ZNF804A: variants seen among roughly 807,000 people sequenced by gnomAD.
The protein encoded by ZNF804A is zinc finger protein 804A.
A neutral mutation model predicts 16.5 loss-of-function variants in ZNF804A; 2 were observed. The observed-to-expected ratio is 0.12, with a 90% CI of 0.05 to 0.38. ZNF804A has a LOEUF of 0.38. Among genes scored for constraint, ZNF804A ranks in the 10% least tolerant of loss-of-function variants. The probability of loss-of-function intolerance (pLI) is 0.99; values close to 1 mark genes in which losing one functional copy is unlikely to be tolerated. For missense variants in ZNF804A, 1,473 were observed against 1,390.7 expected, an observed-to-expected ratio of 1.06 and a Z score of -0.94; for synonymous variants, 534 against 489.6, an observed-to-expected ratio of 1.09 and a Z score of -1.20.
intron 1 of ZNF804A, among the ~76,000 whole-genome samples, chr2:184,842,533 G>T (rs1237751965): frequency 1.3e-5 from 2 of 151,294 alleles, no homozygotes; most frequent in African/African-American, 4.9e-5. Context: ...TAAAAAAAAA[G>T]GAAATTTATG....
At chr2:184,912,505 T>C (rs909686640) in intron 2 of ZNF804A, among the ~76,000 whole-genome samples, 11 of 152,064 alleles carry the variant, frequency 7.2e-5, no homozygotes, top group African/African-American at 2.4e-4. Context: ...AATTATATGT[T>C]TAATTTTCAA....
intron 1 of ZNF804A, among the ~76,000 whole-genome samples, chr2:184,865,463 T>A (rs541175394): frequency 8.5e-5 from 13 of 152,126 alleles, no homozygotes; most frequent in Admixed American, 4.6e-4. Flanking sequence ...GGTTCAGAGA[T>A]CACATGTGGC....
At chr2:184,656,392 G>A (rs1692074908) in intron 1 of ZNF804A, among the ~76,000 whole-genome samples, 1 of 152,020 alleles carries the variant, frequency 6.6e-6, no homozygotes, top group South Asian at 2.1e-4. Context: ...TTACAGTTAA[G>A]GTGGGAAATA....
intron 1 of ZNF804A, among the ~76,000 whole-genome samples, chr2:184,847,732 T>C (rs1337223469): frequency 6.6e-6 from 1 of 152,096 alleles, no homozygotes; most frequent in Non-Finnish European, 1.5e-5. Context: ...ATTTTCAATG[T>C]CAGTCTCAAG....
At chr2:184,865,789 G>A (rs914064462) in intron 1 of ZNF804A, among the ~76,000 whole-genome samples, 1 of 151,848 alleles carries the variant, frequency 6.6e-6, no homozygotes, top group Non-Finnish European at 1.5e-5. Flanking sequence ...GCAGAAAAGG[G>A]TTTTCTTTTC....
At chr2:184,908,582 A>C (rs1685312362) in intron 2 of ZNF804A, among the ~76,000 whole-genome samples, 1 of 152,208 alleles carries the variant, frequency 6.6e-6, no homozygotes, top group South Asian at 2.1e-4. Context: ...GGTTAGAATT[A>C]TAAGATAGCT....
At chr2:184,883,769 C>T (rs1003862480) in intron 2 of ZNF804A, among the ~76,000 whole-genome samples, 11 of 151,766 alleles carry the variant, frequency 7.2e-5, no homozygotes, top group African/African-American at 2.4e-4. Context: ...CATTAAAAAC[C>T]CTCAACAAAC....
intron 1 of ZNF804A, among the ~76,000 whole-genome samples, chr2:184,808,546 A>G (rs1342544854): frequency 6.6e-6 from 1 of 151,554 alleles, no homozygotes; most frequent in East Asian, 1.9e-4. Context: ...GAAATTTTGG[A>G]TTATATCTTA....
intron 1 of ZNF804A, among the ~76,000 whole-genome samples, chr2:184,824,214 T>C (rs1365954188): frequency 1.3e-5 from 2 of 152,114 alleles, no homozygotes; most frequent in Non-Finnish European, 2.9e-5. Context: ...TAAATTAAAA[T>C]CTTATCAAAT....
chr2:184,834,827 C>T (rs1695319145), intron 1 of ZNF804A, among the ~76,000 whole-genome samples: 1 of 152,082 alleles, frequency 6.6e-6, no homozygotes, highest in Non-Finnish European at 1.5e-5. Context: ...GTCTGGATGT[C>T]TCAGCTTTGA....
chr2:184,607,936 C>CTCT (rs1553520325), intron 1 of ZNF804A, among the ~76,000 whole-genome samples: 1 of 65,654 alleles, frequency 1.5e-5, no homozygotes, highest in Non-Finnish European at 2.6e-5. Context: ...TGATGCATCT[C>CTCT]TTTTTTTTTT....
At chr2:184,853,694 A>G (rs1282102741) in intron 1 of ZNF804A, among the ~76,000 whole-genome samples, 3 of 151,764 alleles carry the variant, frequency 2.0e-5, no homozygotes. Flanking sequence ...GGTGTGTCAT[A>G]TTTATAGATT....
intron 2 of ZNF804A, among the ~76,000 whole-genome samples, chr2:184,919,830 T>C (rs1200157314): frequency 1.3e-5 from 2 of 152,142 alleles, no homozygotes; most frequent in Admixed American, 1.3e-4. Context: ...AAAAAAGAAC[T>C]GTAGGCTGGT....
chr2:184,907,830 T>G, intron 2 of ZNF804A, among the ~76,000 whole-genome samples: 1 of 152,156 alleles, frequency 6.6e-6, no homozygotes, highest in Non-Finnish European at 1.5e-5. Context: ...CATTGTCATG[T>G]TTTTTATTTT....
intron 1 of ZNF804A, among the ~76,000 whole-genome samples, chr2:184,761,127 C>A (rs1228217027): frequency 6.6e-6 from 1 of 152,070 alleles, no homozygotes; most frequent in Non-Finnish European, 1.5e-5. Flanking sequence ...AGTTTTACTA[C>A]CTCAGCATAT....
intron 1 of ZNF804A, among the ~76,000 whole-genome samples, chr2:184,655,575 G>C (rs544273075): frequency 6.2e-4 from 95 of 152,252 alleles, no homozygotes; most frequent in African/African-American, 1.9e-3. Flanking sequence ...GGATGAAAGT[G>C]TCCTAGTAAA....
At chr2:184,658,711 G>A (rs1387443085) in intron 1 of ZNF804A, among the ~76,000 whole-genome samples, 1 of 152,118 alleles carries the variant, frequency 6.6e-6, no homozygotes, top group Non-Finnish European at 1.5e-5. Flanking sequence ...CTAGAAGTTG[G>A]AAAATGAAAG....
intron 2 of ZNF804A, among the ~76,000 whole-genome samples, chr2:184,894,432 A>T (rs1685034119): frequency 6.6e-6 from 1 of 152,154 alleles, no homozygotes; most frequent in African/African-American, 2.4e-5. Flanking sequence ...CATTTTTACT[A>T]TTAAAAATTT....
chr2:184,626,255 A>G (rs1003984670), intron 1 of ZNF804A, among the ~76,000 whole-genome samples: 6 of 152,138 alleles, frequency 3.9e-5, no homozygotes, highest in African/African-American at 1.4e-4. Flanking sequence ...TTGTTTAATT[A>G]GTATTTTGAG....
Sources: gnomAD v4.1 joint callset for allele counts (sites outside exome capture counted in the v4.1 genomes callset) on GRCh38, gnomAD v4.1.1 for gene constraint, MANE v1.5 for transcripts, NCBI Gene and HGNC (gene_info 2026-07-23, HGNC 2026-07-21) for gene names.